Variants in ACAA2 observed in about 807,000 individuals in gnomAD.
ACAA2 encodes the protein acetyl-CoA acyltransferase 2.
Under a neutral mutation model 44.8 loss-of-function variants are expected in ACAA2, and 35 were observed. The ratio of observed to expected loss-of-function variants is 0.78; its 90% confidence interval spans 0.60 to 1.04. ACAA2 has a LOEUF of 1.04. ACAA2 is among the 50% of genes least tolerant of loss of function. The pLI, the probability that ACAA2 is intolerant of heterozygous loss-of-function variation, is 0.00. For missense variants in ACAA2, 468 were observed against 482.6 expected (o/e 0.97, Z 0.28); for synonymous variants, 142 against 166.5 (o/e 0.85, Z 1.13).
chr18:49,795,468 A>G (rs953132033), intron 4 of ACAA2, among the ~76,000 whole-genome samples: 10 of 152,100 alleles, frequency 6.6e-5, no homozygotes, highest in African/African-American at 2.4e-4. Context: ...TTTTTAATCC[A>G]CTTCTTCCCT....
rs2143941402 is a variant in ACAA2 at position 49,783,735 on chromosome 18, T to C, written c.*112A>G. The C allele has an allele frequency of 1.2e-6, 1 of 802,024 alleles. No homozygotes were observed. The highest frequency in any genetic ancestry group is 2.7e-5 in the East Asian group (1 of 37,366). 49.7% of individuals were successfully genotyped at this position (802,024 alleles called of 1,614,324 possible). ...CCATGGCTTGATCAAACTTAATCACTGTTTCAATGGCAGGGCATGGCCAGT... is the reference window on the plus strand; with the variant it reads ...CCATGGCTTGATCAAACTTAATCACCGTTTCAATGGCAGGGCATGGCCAGT... On this transcript the variant is annotated 3_prime_UTR_variant, in exon 10 of 10. Coordinates refer to ENST00000285093, the MANE Select transcript of ACAA2 (RefSeq NM_006111.3).
At chr18:49,786,576 C>T (rs1242690329) in intron 8 of ACAA2, 3 of 152,186 alleles carry the variant, frequency 2.0e-5, no homozygotes, top group African/African-American at 7.2e-5. Flanking sequence ...CCTACCCCTT[C>T]GCTATCAAGT....
intron 7 of ACAA2, among the ~76,000 whole-genome samples, chr18:49,787,807 A>ATAGATTATAATTGATATCAAAG (rs1555789792): frequency 2.0e-5 from 3 of 152,186 alleles, no homozygotes; most frequent in Non-Finnish European, 4.4e-5. Flanking sequence ...AGTTATGTTA[A>ATAGATTATAATTGATATCAAAG]TAGATTATAA....
Position 49,787,283 on chromosome 18 carries a change from A to AC in ACAA2, c.954+7dup. ...GTTAAAAAAAAAAAAAAAAAAAAAA[A>AC]CACTTACCTCTACCAAATCCATGTC... On this transcript the variant is annotated splice_region_variant and intron_variant, in intron 8 of 9. Transcript: ENST00000285093. 6.9e-7 allele frequency: 1 copy of AC among 1,454,254 alleles called. No individual in the cohort carries two copies. Among genetic ancestry groups the AC allele is most frequent in the Non-Finnish European group, 9.0e-7 (1 of 1,109,788 alleles). The allele number at this position is 1,454,254 out of a possible 1,614,324, so 90.1% of individuals were successfully genotyped here. A position where few individuals can be genotyped will look rare whatever the true frequency, so the allele number is the denominator to read the frequency against.
chr18:49,800,257 C>CGGGA (rs1247452391), intron 2 of ACAA2, among the ~76,000 whole-genome samples: 14 of 146,074 alleles, frequency 9.6e-5, no homozygotes, highest in Admixed American at 7.0e-4. Context: ...CCGCCCCGTC[C>CGGGA]GGGAGGGAGG....
At chr18:49,804,747 C>T (rs994252103) in intron 1 of ACAA2, among the ~76,000 whole-genome samples, 3 of 152,108 alleles carry the variant, frequency 2.0e-5, no homozygotes, top group Non-Finnish European at 4.4e-5. Flanking sequence ...TTAGTTAAAT[C>T]GGTGTCCTTG....
At chr18:49,788,342 C>T (rs1483077510) in intron 7 of ACAA2, among the ~76,000 whole-genome samples, 1 of 152,104 alleles carries the variant, frequency 6.6e-6, no homozygotes, top group East Asian at 1.9e-4. Context: ...AGCATTTTAC[C>T]TTATAAAATG....
chr18:49,810,191 A>G (rs1199389770), intron 1 of ACAA2, among the ~76,000 whole-genome samples: 1 of 152,208 alleles, frequency 6.6e-6, no homozygotes, highest in African/African-American at 2.4e-5. Context: ...TTGATAAAAA[A>G]CATAAATTTG....
intron 8 of ACAA2, 143 bp downstream of exon 8, chr18:49,787,148 A>AT: frequency 3.6e-6 from 2 of 561,078 alleles, no homozygotes; most frequent in Non-Finnish European, 5.7e-6. Flanking sequence ...TGAAGGTACT[A>AT]TTTATTTAGA....
At chr18:49,795,144 G>A (rs1183397674) in intron 4 of ACAA2, among the ~76,000 whole-genome samples, 1 of 152,148 alleles carries the variant, frequency 6.6e-6, no homozygotes, top group Non-Finnish European at 1.5e-5. Flanking sequence ...TGAACAGTGT[G>A]AGTCAAACAT....
At chr18:49,799,656 G>A (rs1257909872) in intron 2 of ACAA2, among the ~76,000 whole-genome samples, 2 of 151,860 alleles carry the variant, frequency 1.3e-5, no homozygotes, top group Non-Finnish European at 2.9e-5. Context: ...GAAGTGAGGA[G>A]CGTCTCTGCC....
chr18:49,797,376 C>T, intron 3 of ACAA2, 90 bp downstream of exon 3: 3 of 1,265,186 alleles, frequency 2.4e-6, no homozygotes, highest in South Asian at 1.5e-5. Context: ...AGCAATCCTC[C>T]CTAAAGCTAA....
At chr18:49,799,762 GA>G (rs1322815331) in intron 2 of ACAA2, among the ~76,000 whole-genome samples, 2 of 151,418 alleles carry the variant, frequency 1.3e-5, no homozygotes, top group East Asian at 3.9e-4. Context: ...TCCCATCTAG[GA>G]AGTGAGGGGC....
At chr18:49,797,281 T>C (rs1279067999) in intron 3 of ACAA2, among the ~76,000 whole-genome samples, 185 bp downstream of exon 3, 4 of 146,542 alleles carry the variant, frequency 2.7e-5, no homozygotes, top group African/African-American at 1.0e-4. Context: ...TTTTTTTTTC[T>C]TTTTTTTGGA....
chr18:49,791,421 C>G (rs753129783), intron 7 of ACAA2, 49 bp downstream of exon 7: 1 of 1,575,180 alleles, frequency 6.3e-7, no homozygotes, highest in Admixed American at 1.7e-5. Flanking sequence ...CCAAAGAAGA[C>G]TTACCTCCAG....
intron 1 of ACAA2, among the ~76,000 whole-genome samples, chr18:49,803,831 G>A (rs1426922705): frequency 6.6e-6 from 1 of 151,502 alleles, no homozygotes; most frequent in Non-Finnish European, 1.5e-5. Context: ...CCTCTGCCAG[G>A]AAACTTTCAG....
Position 49,806,108 on chromosome 18 carries a change from G to C in ACAA2, c.17-3255C>G, listed in dbSNP as rs138371495. On this transcript the variant is annotated intron_variant, in intron 1 of 9. Transcript: ENST00000285093. ...AGGTAAGGAGAAGAGTTGATACTTA[G>C]AGGAAGGGAACAGAACAGGGTAAGT... 1.7e-3 allele frequency among the ~76,000 whole-genome samples: 257 copies of C among 152,298 alleles called. 1 individual carries two copies. The highest frequency in any genetic ancestry group is 2.8e-3 in the Non-Finnish European group (191 of 68,020).
chr18:49,803,904 A>C (rs1044820750), intron 1 of ACAA2, among the ~76,000 whole-genome samples: 10 of 131,102 alleles, frequency 7.6e-5, no homozygotes, highest in Non-Finnish European at 1.4e-4. Context: ...AACTAATGAT[A>C]TTGCTTTTTT....
intron 3 of ACAA2, among the ~76,000 whole-genome samples, chr18:49,796,816 G>C (rs1387217482): frequency 1.3e-5 from 2 of 152,020 alleles, no homozygotes; most frequent in African/African-American, 4.8e-5. Context: ...CAGTTTCCTT[G>C]CCTGTAAAAT....
Sources: gnomAD v4.1 joint callset for allele counts (sites outside exome capture counted in the v4.1 genomes callset) on GRCh38, gnomAD v4.1.1 for gene constraint, MANE v1.5 for transcripts, NCBI Gene and HGNC (gene_info 2026-07-23, HGNC 2026-07-21) for gene names.